PDCD10: variants seen among roughly 807,000 people sequenced by gnomAD.
PDCD10 encodes the protein programmed cell death 10, also known as programmed cell death protein 10.
Under a neutral mutation model 29.2 loss-of-function variants are expected in PDCD10, and 4 were observed. The observed-to-expected ratio is 0.14, with a 90% CI of 0.07 to 0.31. The LOEUF (loss-of-function observed/expected upper bound fraction) is 0.31. Ranked by LOEUF, PDCD10 falls within the 10% of genes least tolerant of loss-of-function variation. PDCD10 has a pLI of 1.00. For synonymous variants in PDCD10, 70 were observed against 82.2 expected, an observed-to-expected ratio of 0.85 and a Z score of 0.80; for missense variants, 183 against 257.9, an observed-to-expected ratio of 0.71 and a Z score of 1.99.
chr3:167,723,279 A>G (rs2108492158), intron 2 of PDCD10, among the ~76,000 whole-genome samples: 1 of 152,340 alleles, frequency 6.6e-6, no homozygotes, highest in South Asian at 2.1e-4. Context: ...TGCAACAAAG[A>G]GCCTGCTATG....
intron 3 of PDCD10, among the ~76,000 whole-genome samples, chr3:167,705,489 AG>A (rs1418648101): frequency 1.3e-5 from 2 of 152,208 alleles, no homozygotes; most frequent in African/African-American, 2.4e-5. Context: ...AGGCAACAAA[AG>A]TGTAAGTTTT....
chr3:167,715,377 C>T (rs1020812861), intron 3 of PDCD10, among the ~76,000 whole-genome samples: 1 of 151,554 alleles, frequency 6.6e-6, no homozygotes, highest in Admixed American at 6.6e-5. Flanking sequence ...TACATAATAC[C>T]CCACATGCAC....
chr3:167,692,283 G>A (rs1407993718), intron 6 of PDCD10, among the ~76,000 whole-genome samples: 1 of 152,176 alleles, frequency 6.6e-6, no homozygotes, highest in Non-Finnish European at 1.5e-5. Context: ...GAAGTCTTTA[G>A]ACCTGGGGAT....
intron 2 of PDCD10, chr3:167,730,917 C>T: frequency 6.6e-6 from 1 of 152,018 alleles, no homozygotes; most frequent in African/African-American, 2.4e-5. Context: ...TACAAAGCCA[C>T]CTTGTCTAAA....
chr3:167,711,766 C>A (rs1722545752), intron 3 of PDCD10, among the ~76,000 whole-genome samples: 1 of 151,852 alleles, frequency 6.6e-6, no homozygotes, highest in South Asian at 2.1e-4. Flanking sequence ...CTAAAAGCAG[C>A]AAGAGAAAAG....
chr3:167,700,759 G>A (rs1028865530), intron 4 of PDCD10, among the ~76,000 whole-genome samples: 4 of 152,138 alleles, frequency 2.6e-5, no homozygotes, highest in Admixed American at 2.6e-4. Context: ...TTAGAAAGAG[G>A]TTTTGCTTAA....
At chr3:167,719,230 C>G (rs1287944583) in intron 3 of PDCD10, among the ~76,000 whole-genome samples, 2 of 151,826 alleles carry the variant, frequency 1.3e-5, no homozygotes, top group Admixed American at 6.6e-5. Context: ...GTTAATGGTA[C>G]TAAAGGCAAA....
At chr3:167,705,537 T>G (rs1257374336) in intron 3 of PDCD10, among the ~76,000 whole-genome samples, 1 of 152,166 alleles carries the variant, frequency 6.6e-6, no homozygotes, top group African/African-American at 2.4e-5. Flanking sequence ...TCTAACACAT[T>G]AAATCAATTT....
chr3:167,695,825 A>G, intron 5 of PDCD10, 103 bp from the exon 6 acceptor site: 7 of 1,114,994 alleles, frequency 6.3e-6, no homozygotes, highest in Non-Finnish European at 8.2e-6. Context: ...AGGGAGGTGA[A>G]AGGCCAGATA....
At chr3:167,708,926 G>T (rs947633746) in intron 3 of PDCD10, among the ~76,000 whole-genome samples, 6 of 152,110 alleles carry the variant, frequency 3.9e-5, no homozygotes, top group African/African-American at 1.4e-4. Context: ...ATTTCACAGA[G>T]TTGTTGAGAT....
At chr3:167,692,662 T>C (rs148477969) in intron 6 of PDCD10, among the ~76,000 whole-genome samples, 3 of 152,354 alleles carry the variant, frequency 2.0e-5, no homozygotes, top group African/African-American at 7.2e-5. Flanking sequence ...CTCACACCTG[T>C]AATCCCAGCA....
In PDCD10 at chr3:167,720,254, GACACAAAAA is replaced by G. The variant is rs1210716995; in HGVS notation, c.-106_-98del. On this transcript the variant is annotated 5_prime_UTR_variant, in exon 3 of 9. Coordinates refer to ENST00000392750, the MANE Select transcript of PDCD10 (RefSeq NM_007217.4). ...CTCTTTTTTGGTGATAAAAGAATTG[GACACAAAAA>G]ACACACTGATCTGGTGAAAGAGGAA... 1.5e-5 allele frequency: 12 copies of G among 819,820 alleles called. No individual in the cohort carries two copies. The highest frequency in any genetic ancestry group is 2.5e-5 in the Non-Finnish European group (12 of 478,420). 50.8% of individuals were successfully genotyped at this position (819,820 alleles called of 1,614,324 possible).
intron 6 of PDCD10, 27 bp downstream of exon 6, chr3:167,695,566 AAAG>A (rs776984147): frequency 6.2e-6 from 10 of 1,606,914 alleles, no homozygotes; most frequent in Non-Finnish European, 8.5e-6. Flanking sequence ...ACTTTTAAGA[AAAG>A]AAGAAACAAA....
At chr3:167,695,466 T>C (rs1006776691) in intron 6 of PDCD10, 130 bp downstream of exon 6, 1 of 793,924 alleles carries the variant, frequency 1.3e-6, no homozygotes, top group African/African-American at 1.7e-5. Flanking sequence ...TAAAATGTGG[T>C]ATTTAAAAAT....
intron 2 of PDCD10, among the ~76,000 whole-genome samples, chr3:167,727,484 A>G (rs1168405181): frequency 1.3e-5 from 2 of 152,226 alleles, no homozygotes; most frequent in Non-Finnish European, 2.9e-5. Context: ...TTTTGCCCAT[A>G]AAGTTCTCAA....
In PDCD10 at chr3:167,713,399, C is replaced by G. The variant is rs79859901; in HGVS notation, c.96+6663G>C. Among the ~76,000 whole-genome samples, 1,426 of 151,950 alleles carry G rather than the reference C, an allele frequency of 9.4e-3. 30 individuals are homozygous for G. In the East Asian group the frequency reaches 0.096, roughly 10 times the overall value. Reference sequence around the variant, plus strand: ...TTTCTTGAAACAAGTAACAGAAACACAACATACCAAAACCTATGGGATACA... The same window carrying G: ...TTTCTTGAAACAAGTAACAGAAACAGAACATACCAAAACCTATGGGATACA... On this transcript the variant is annotated intron_variant, in intron 3 of 8. Transcript: ENST00000392750.
intron 3 of PDCD10, among the ~76,000 whole-genome samples, chr3:167,714,189 A>C (rs1310382087): frequency 6.6e-6 from 1 of 152,042 alleles, no homozygotes; most frequent in African/African-American, 2.4e-5. Context: ...GATCATTCAT[A>C]ATAACCAAGG....
chr3:167,699,579 C>T (rs1721163822), intron 4 of PDCD10, among the ~76,000 whole-genome samples: 1 of 152,160 alleles, frequency 6.6e-6, no homozygotes, highest in Non-Finnish European at 1.5e-5. Context: ...ATCTACAACT[C>T]TTAGGTTTTC....
At chr3:167,730,182 TATA>T (rs374523188) in intron 2 of PDCD10, among the ~76,000 whole-genome samples, 257 of 152,176 alleles carry the variant, frequency 1.7e-3, no homozygotes, top group African/African-American at 5.8e-3. Context: ...TTCTAATTGC[TATA>T]ATAAATGTGC....
Sources: gnomAD v4.1 joint callset for allele counts (sites outside exome capture counted in the v4.1 genomes callset) on GRCh38, gnomAD v4.1.1 for gene constraint, MANE v1.5 for transcripts, NCBI Gene and HGNC (gene_info 2026-07-23, HGNC 2026-07-21) for gene names.